LIN7A: variants seen among roughly 807,000 people sequenced by gnomAD.
The protein encoded by LIN7A is protein lin-7 homolog A.
LIN7A carries 25 observed loss-of-function variants against 29.8 expected under a neutral mutation model. That is an observed-to-expected ratio of 0.84 (90% confidence interval 0.61 to 1.17). The LOEUF (loss-of-function observed/expected upper bound fraction) is 1.17. LIN7A is among the 50% of genes most tolerant of loss of function. The pLI, the probability that LIN7A is intolerant of heterozygous loss-of-function variation, is 0.00. For missense variants in LIN7A, 239 were observed against 287.0 expected, an observed-to-expected ratio of 0.83 and a Z score of 1.21; for synonymous variants, 118 against 107.5, an observed-to-expected ratio of 1.10 and a Z score of -0.60.
chr12:80,846,103 C>T (rs1258807347), intron 3 of LIN7A, among the ~76,000 whole-genome samples, 164 bp from the exon 4 acceptor site: 1 of 152,112 alleles, frequency 6.6e-6, no homozygotes, highest in Non-Finnish European at 1.5e-5. Context: ...ATTTAGATGC[C>T]ATCTAGGATT....
At chr12:80,844,782 G>A (rs946767174) in intron 4 of LIN7A, among the ~76,000 whole-genome samples, 2 of 152,016 alleles carry the variant, frequency 1.3e-5, no homozygotes, top group Non-Finnish European at 2.9e-5. Context: ...TATGTTATGA[G>A]AAAATGTATA....
intron 4 of LIN7A, among the ~76,000 whole-genome samples, chr12:80,833,228 C>G (rs1872454745): frequency 6.6e-6 from 1 of 152,184 alleles, no homozygotes; most frequent in Non-Finnish European, 1.5e-5. Context: ...TACTCAGCTG[C>G]TCACTCTCAC....
At chr12:80,823,760 C>T (rs1871929425) in intron 4 of LIN7A, among the ~76,000 whole-genome samples, 1 of 152,204 alleles carries the variant, frequency 6.6e-6, no homozygotes, top group African/African-American at 2.4e-5. Context: ...ATTAAATAAT[C>T]TGCTTCTGAA....
At chr12:80,852,822 C>T (rs1873397007) in intron 2 of LIN7A, among the ~76,000 whole-genome samples, 1 of 152,186 alleles carries the variant, frequency 6.6e-6, no homozygotes, top group South Asian at 2.1e-4. Flanking sequence ...TTTCAATCCC[C>T]TTCTCCCAGT....
chr12:80,801,121 G>T (rs1222366088), intron 5 of LIN7A, among the ~76,000 whole-genome samples: 1 of 148,020 alleles, frequency 6.8e-6, no homozygotes, highest in African/African-American at 2.7e-5. Context: ...TAACATTTCT[G>T]GAGAAAAAAC....
At chr12:80,903,078 T>C (rs1167865193) in intron 1 of LIN7A, among the ~76,000 whole-genome samples, 1 of 151,292 alleles carries the variant, frequency 6.6e-6, no homozygotes, top group Non-Finnish European at 1.5e-5. Flanking sequence ...CTCAAAATAA[T>C]AAAAGCTATC....
At chr12:80,865,477 G>C (rs1249045444) in intron 2 of LIN7A, among the ~76,000 whole-genome samples, 1 of 152,134 alleles carries the variant, frequency 6.6e-6, no homozygotes, top group Non-Finnish European at 1.5e-5. Context: ...ATGGAGAAGA[G>C]GGATGAGATT....
chr12:80,843,220 G>T (rs1433463757), intron 4 of LIN7A, among the ~76,000 whole-genome samples: 1 of 152,094 alleles, frequency 6.6e-6, no homozygotes, highest in Admixed American at 6.5e-5. Flanking sequence ...GCATGAAGAG[G>T]ATATAAAAAT....
intron 1 of LIN7A, among the ~76,000 whole-genome samples, chr12:80,896,043 G>A (rs796699721): frequency 5.9e-5 from 9 of 152,266 alleles, no homozygotes; most frequent in Middle Eastern, 3.4e-3. Context: ...CTAGGTTTCC[G>A]GGATAATATT....
chr12:80,937,861 A>T lies in LIN7A; in HGVS notation c.-139T>A. On this transcript the variant is annotated 5_prime_UTR_variant, in exon 1 of 6. Coordinates refer to ENST00000552864, the MANE Select transcript of LIN7A (RefSeq NM_004664.4). The stretch of plus-strand genomic sequence containing the variant: ...AAAGCTTGGGTGGGTTGGTAGCCAG[A>T]TGGAGACGCAACTGTTCCGCGGCGG... 1.7e-6 allele frequency: 1 copy of T among 578,588 alleles called. No homozygotes were observed. The highest frequency in any genetic ancestry group is 2.9e-6 in the Non-Finnish European group (1 of 346,990). The allele number at this position is 578,588 out of a possible 1,614,324, so 35.8% of individuals were successfully genotyped here.
intron 2 of LIN7A, among the ~76,000 whole-genome samples, chr12:80,857,008 T>A (rs1873634932): frequency 6.6e-6 from 1 of 152,172 alleles, no homozygotes; most frequent in African/African-American, 2.4e-5. Flanking sequence ...GATCTGCCCG[T>A]GTGGTTGATC....
At chr12:80,818,070 G>C (rs1355122061) in intron 4 of LIN7A, among the ~76,000 whole-genome samples, 1 of 152,130 alleles carries the variant, frequency 6.6e-6, no homozygotes, top group East Asian at 1.9e-4. Context: ...ACCAAGCAAA[G>C]ACCTATTCCT....
chr12:80,822,075 G>T (rs745916826), intron 4 of LIN7A, among the ~76,000 whole-genome samples: 1 of 152,184 alleles, frequency 6.6e-6, no homozygotes, highest in Non-Finnish European at 1.5e-5. Flanking sequence ...CTTGAGACTG[G>T]GTAGTTTATA....
chr12:80,834,383 T>C (rs1872518761), intron 4 of LIN7A, among the ~76,000 whole-genome samples: 1 of 152,202 alleles, frequency 6.6e-6, no homozygotes, highest in Non-Finnish European at 1.5e-5. Flanking sequence ...GGCACCTCTG[T>C]AAATAGAAAA....
At chr12:80,800,374 A>T (rs1218727180) in intron 5 of LIN7A, among the ~76,000 whole-genome samples, 1 of 151,786 alleles carries the variant, frequency 6.6e-6, no homozygotes, top group Non-Finnish European at 1.5e-5. Flanking sequence ...CTCTAATCCC[A>T]ACTACTCGGA....
At chr12:80,832,044 GA>G (rs1283986444) in intron 4 of LIN7A, among the ~76,000 whole-genome samples, 1 of 152,182 alleles carries the variant, frequency 6.6e-6, no homozygotes, top group African/African-American at 2.4e-5. Flanking sequence ...AGACTTTACT[GA>G]GTGGTCAAAT....
chr12:80,817,217 T>A (rs1210105537), intron 4 of LIN7A, among the ~76,000 whole-genome samples: 1 of 152,208 alleles, frequency 6.6e-6, no homozygotes, highest in East Asian at 1.9e-4. Context: ...TCATCCCTTA[T>A]AAGAGAGAAT....
At chr12:80,822,488 G>T (rs1323866262) in intron 4 of LIN7A, among the ~76,000 whole-genome samples, 1 of 152,132 alleles carries the variant, frequency 6.6e-6, no homozygotes, top group Non-Finnish European at 1.5e-5. Flanking sequence ...AACCCAGGGG[G>T]TGGAGGTTGC....
chr12:80,900,199 T>C (rs1345337557), intron 1 of LIN7A, among the ~76,000 whole-genome samples: 1 of 152,144 alleles, frequency 6.6e-6, no homozygotes, highest in Non-Finnish European at 1.5e-5. Context: ...TATCTTATTC[T>C]TTCAAAAAAC....
Sources: allele counts gnomAD v4.1 joint callset (sites outside exome capture counted in the v4.1 genomes callset), GRCh38; gene constraint gnomAD v4.1.1; transcripts MANE v1.5; gene names NCBI Gene and HGNC (gene_info 2026-07-23, HGNC 2026-07-21).